The following POFUT3 variants were observed in gnomAD, a reference collection of about 807,000 sequenced individuals.
POFUT3 encodes protein O-fucosyltransferase 3.
the POFUT3 span, among the ~76,000 whole-genome samples, chr8:33,323,076 G>C: frequency 2.0e-5 from 3 of 151,958 alleles, no homozygotes; most frequent in East Asian, 5.8e-4. Flanking sequence ...TCCAATCTCT[G>C]TGGCTCTCCC....
At chr8:33,375,616 G>C in the POFUT3 span, among the ~76,000 whole-genome samples, 1 of 152,122 alleles carries the variant, frequency 6.6e-6, no homozygotes, top group African/African-American at 2.4e-5. Context: ...ATATGTAAGG[G>C]GGAAAATGAT....
chr8:33,368,606 A>C, the POFUT3 span, among the ~76,000 whole-genome samples: 1 of 152,190 alleles, frequency 6.6e-6, no homozygotes, highest in African/African-American at 2.4e-5. Context: ...CAAGACCTAC[A>C]GATCTAGGCA....
chr8:33,384,198 C>A, the POFUT3 span, among the ~76,000 whole-genome samples: 1 of 152,110 alleles, frequency 6.6e-6, no homozygotes, highest in Admixed American at 6.5e-5. Context: ...ACTGGTTCCA[C>A]TGACCCATGA....
chr8:33,434,257 T>C, the POFUT3 span, among the ~76,000 whole-genome samples: 5 of 152,188 alleles, frequency 3.3e-5, no homozygotes, highest in East Asian at 1.9e-4. Context: ...CAACACTCCA[T>C]CTCAAAAACA....
the POFUT3 span, among the ~76,000 whole-genome samples, chr8:33,449,962 G>A: frequency 1.7e-5 from 2 of 120,480 alleles, no homozygotes; most frequent in East Asian, 5.0e-4. Flanking sequence ...TTTTGAGACA[G>A]GGTCTCACTC....
the POFUT3 span, among the ~76,000 whole-genome samples, chr8:33,353,121 T>C: frequency 6.6e-6 from 1 of 152,220 alleles, no homozygotes; most frequent in African/African-American, 2.4e-5. Context: ...TCCAAATTGA[T>C]CTAAACTCAA....
chr8:33,362,342 T>G, the POFUT3 span, among the ~76,000 whole-genome samples: 2 of 152,152 alleles, frequency 1.3e-5, no homozygotes, highest in African/African-American at 4.8e-5. Context: ...CCACCAATGC[T>G]ATGAAGAAAC....
At chr8:33,359,799 AGTTTGAGACCAGCCTG>A in the POFUT3 span, among the ~76,000 whole-genome samples, 1 of 152,082 alleles carries the variant, frequency 6.6e-6, no homozygotes. Flanking sequence ...TGAGGTCAGG[AGTTTGAGACCAGCCTG>A]GCCAACATGG....
At chr8:33,413,818 G>A in the POFUT3 span, among the ~76,000 whole-genome samples, 41,571 of 152,006 alleles carry the variant, frequency 0.27, 5,959 homozygotes, top group South Asian at 0.44. Context: ...TATACCATAA[G>A]TGCATTTCAC....
the POFUT3 span, among the ~76,000 whole-genome samples, chr8:33,322,466 T>C: frequency 6.6e-6 from 1 of 152,098 alleles, no homozygotes; most frequent in Non-Finnish European, 1.5e-5. Context: ...CTGCTGCTGC[T>C]ACAGGGAAGG....
the POFUT3 span, chr8:33,460,694 C>T: frequency 0.021 from 20,953 of 981,650 alleles, 280 homozygotes; most frequent in East Asian, 0.08. Context: ...CAGGAGCTTA[C>T]GAGAATCTCA....
the POFUT3 span, among the ~76,000 whole-genome samples, chr8:33,410,801 G>A: frequency 2.0e-5 from 3 of 152,244 alleles, no homozygotes; most frequent in African/African-American, 7.2e-5. Flanking sequence ...GTCAAGTGCA[G>A]AGCTGAGTTC....
the POFUT3 span, among the ~76,000 whole-genome samples, chr8:33,397,269 A>G: frequency 1.3e-5 from 2 of 152,356 alleles, no homozygotes; most frequent in East Asian, 3.9e-4. Context: ...TCTTTCAATA[A>G]TAAGAAAAAG....
chr8:33,428,176 T>C, the POFUT3 span, among the ~76,000 whole-genome samples: 2 of 152,194 alleles, frequency 1.3e-5, no homozygotes, highest in Non-Finnish European at 2.9e-5. Flanking sequence ...CTCTCCTGGT[T>C]CTTTTCCCAA....
At chr8:33,364,209 C>T in the POFUT3 span, among the ~76,000 whole-genome samples, 3 of 150,962 alleles carry the variant, frequency 2.0e-5, no homozygotes, top group African/African-American at 7.3e-5. Context: ...AGGCCTTTGA[C>T]AAAATTCAAC....
At chr8:33,460,328 C>G in the POFUT3 span, among the ~76,000 whole-genome samples, 1 of 152,214 alleles carries the variant, frequency 6.6e-6, no homozygotes, top group East Asian at 1.9e-4. Flanking sequence ...GCTCTCCAGC[C>G]TGGGTGACAA....
chr8:33,465,250 C>T, the POFUT3 span, among the ~76,000 whole-genome samples: 1 of 152,024 alleles, frequency 6.6e-6, no homozygotes, highest in African/African-American at 2.4e-5. Context: ...TAAAACTATA[C>T]TGTTTTCAAA....
At chr8:33,346,940 T>C in the POFUT3 span, among the ~76,000 whole-genome samples, 2 of 152,200 alleles carry the variant, frequency 1.3e-5, no homozygotes, top group Non-Finnish European at 2.9e-5. Flanking sequence ...GAAGTTTTAG[T>C]CCCTGAAGGA....
chr8:33,312,429 G>T, the POFUT3 span, among the ~76,000 whole-genome samples: 1 of 152,044 alleles, frequency 6.6e-6, no homozygotes, highest in Non-Finnish European at 1.5e-5. Context: ...AGCAAGAAAG[G>T]ATTCTTCCCT....
Sources: allele counts gnomAD v4.1 joint callset (sites outside exome capture counted in the v4.1 genomes callset), GRCh38; gene constraint gnomAD v4.1.1; transcripts MANE v1.5; gene names NCBI Gene and HGNC (gene_info 2026-07-23, HGNC 2026-07-21).